The following IQCM variants were observed in gnomAD, a reference collection of about 807,000 sequenced individuals.
The protein encoded by IQCM is IQ domain-containing protein M.
A neutral mutation model predicts 57.6 loss-of-function variants in IQCM; 45 were observed. The ratio of observed to expected loss-of-function variants is 0.78; its 90% CI spans 0.62 to 1.00. IQCM has a LOEUF of 1.00. Among genes scored for constraint, IQCM ranks in the 50% least tolerant of loss-of-function variants. IQCM has a pLI of 0.00. For missense variants in IQCM, 468 were observed against 511.6 expected (o/e 0.91, Z 0.82); for synonymous variants, 148 against 158.9 (o/e 0.93, Z 0.51).
chr4:149,484,009 G>A (rs913052640), intron 12 of IQCM, among the ~76,000 whole-genome samples: 4 of 151,810 alleles, frequency 2.6e-5, no homozygotes, highest in African/African-American at 9.7e-5. Flanking sequence ...TAATTCCTTT[G>A]TCATAATGTA....
chr4:149,397,792 G>T (rs1732334486), intron 13 of IQCM, among the ~76,000 whole-genome samples: 1 of 151,702 alleles, frequency 6.6e-6, no homozygotes, highest in Non-Finnish European at 1.5e-5. Flanking sequence ...TTGCTATTGA[G>T]TTGTGGCAGT....
intron 7 of IQCM, among the ~76,000 whole-genome samples, chr4:149,664,490 G>A (rs990649226): frequency 2.0e-5 from 3 of 152,050 alleles, no homozygotes; most frequent in Admixed American, 1.3e-4. Context: ...GTGTCAGTTG[G>A]CTATGGTGCA....
chr4:149,779,011 A>G (rs1771359732), intron 2 of IQCM, among the ~76,000 whole-genome samples: 1 of 152,070 alleles, frequency 6.6e-6, no homozygotes, highest in Non-Finnish European at 1.5e-5. Context: ...GTAAAACCAG[A>G]CAGGGATAAT....
At chr4:149,732,540 T>C (rs1218265566) in intron 5 of IQCM, among the ~76,000 whole-genome samples, 1 of 152,180 alleles carries the variant, frequency 6.6e-6, no homozygotes, top group Non-Finnish European at 1.5e-5. Context: ...GCCTTTTAAT[T>C]GCTGTTTCTC....
At position 149,539,323 on chromosome 4, in the gene IQCM, T is replaced by C. The variant is rs151069695; in HGVS notation, c.1228+9132A>G. On this transcript the variant is annotated intron_variant, in intron 12 of 13. Transcript: ENST00000636793. ...TAGTAGACTACATATTGCATGATTC[T>C]ATTTATGAGAAATGACAAATCTATA... Among the ~76,000 whole-genome samples, 73 of 152,326 alleles carry C rather than the reference T, an allele frequency of 4.8e-4. 3 individuals carry two copies. Among genetic ancestry groups the C allele is most frequent in the Admixed American group, 4.3e-3 (65 of 15,292 alleles).
rs531336432 is a variant in IQCM at position 149,605,617 on chromosome 4, T to C, written c.681+15512A>G. 6.6e-5 allele frequency among the ~76,000 whole-genome samples: 10 copies of C among 152,330 alleles called. No individual in the cohort carries two copies. In the East Asian group the frequency reaches 1.9e-3, roughly 29 times the overall value. The stretch of plus-strand genomic sequence containing the variant: ...TAAGTAAAATAAAATAAATGATGGT[T>C]GTAAAAATACACTTTAGGCCCAGAT... On this transcript the variant is annotated intron_variant, in intron 8 of 13. Transcript: ENST00000636793.
chr4:149,739,857 A>G (rs1422659792), intron 3 of IQCM, among the ~76,000 whole-genome samples: 4 of 152,172 alleles, frequency 2.6e-5, no homozygotes, highest in African/African-American at 9.7e-5. Flanking sequence ...TTTTTCATAT[A>G]TCATCAGCTT....
chr4:149,808,740 G>A (rs186688820), intron 2 of IQCM, among the ~76,000 whole-genome samples: 152 of 152,178 alleles, frequency 1.0e-3, no homozygotes, highest in Non-Finnish European at 1.4e-3. Context: ...ACTTGGGAGA[G>A]GAATCTTGAT....
At chr4:149,708,044 C>T (rs1043340370) in intron 5 of IQCM, among the ~76,000 whole-genome samples, 1 of 151,984 alleles carries the variant, frequency 6.6e-6, no homozygotes, top group East Asian at 1.9e-4. Flanking sequence ...GCACTATCAT[C>T]AACAACCCAC....
chr4:149,713,994 A>C (rs1324732655), intron 5 of IQCM, among the ~76,000 whole-genome samples: 1 of 152,202 alleles, frequency 6.6e-6, no homozygotes, highest in Non-Finnish European at 1.5e-5. Flanking sequence ...TGTGTTCTTC[A>C]TAACTATTTG....
intron 2 of IQCM, among the ~76,000 whole-genome samples, chr4:149,804,522 A>T (rs1773899210): frequency 6.6e-6 from 1 of 152,024 alleles, no homozygotes; most frequent in Admixed American, 6.6e-5. Context: ...ATCTAAGAAG[A>T]GTTGTTGACT....
Position 149,682,177 on chromosome 4 carries a change from A to G in IQCM, c.506T>C (p.Phe169Ser). The change falls in exon 7 of 14, where the codon TTT (phenylalanine) becomes TCT (serine). Residue 169 changes from phenylalanine to serine, a missense_variant. Transcript: ENST00000636793. ...AGGTTGTAAGTAAAGATGGACAGGA[A>G]AGGGATAGAGTAATTCCAACATTCT... Reference protein sequence around the residue: ...RNRMLELLYPFPVHLYLQPGT... With the variant: ...RNRMLELLYPSPVHLYLQPGT... 1 of 1,225,332 alleles carries G rather than the reference A, an allele frequency of 8.2e-7. No individual in the cohort carries two copies. Among genetic ancestry groups the G allele is most frequent in the Non-Finnish European group, 1.0e-6 (1 of 982,270 alleles). 75.9% of individuals were successfully genotyped at this position (1,225,332 alleles called of 1,614,324 possible).
At chr4:149,441,232 C>A (rs1299400885) in intron 12 of IQCM, among the ~76,000 whole-genome samples, 2 of 152,102 alleles carry the variant, frequency 1.3e-5, no homozygotes, top group Non-Finnish European at 1.5e-5. Context: ...ATAAAAGAGA[C>A]TGTCTAGAGT....
chr4:149,699,488 G>C (rs1024453358), intron 5 of IQCM, among the ~76,000 whole-genome samples: 74 of 151,926 alleles, frequency 4.9e-4, no homozygotes, highest in African/African-American at 1.8e-3. Context: ...TCAAATCTGA[G>C]CCTTTGCTCA....
chr4:149,591,631 T>A (rs1753186650), intron 8 of IQCM, among the ~76,000 whole-genome samples: 2 of 152,046 alleles, frequency 1.3e-5, no homozygotes, highest in African/African-American at 4.8e-5. Context: ...GGCCCCGGTG[T>A]GTGATGTTCC....
chr4:149,689,779 G>A (rs1233998215), intron 5 of IQCM, among the ~76,000 whole-genome samples: 1 of 151,952 alleles, frequency 6.6e-6, no homozygotes, highest in African/African-American at 2.4e-5. Flanking sequence ...GACCTGAATA[G>A]ACAATTCTCA....
chr4:149,563,575 A>G, intron 10 of IQCM, 117 bp downstream of exon 10: 1 of 697,174 alleles, frequency 1.4e-6, no homozygotes, highest in Non-Finnish European at 2.0e-6. Flanking sequence ...AACAACAGCA[A>G]AACTCTATCT....
intron 2 of IQCM, among the ~76,000 whole-genome samples, chr4:149,757,252 G>A (rs1383609512): frequency 8.7e-5 from 13 of 150,126 alleles, no homozygotes; most frequent in East Asian, 5.9e-4. Context: ...AGCGAGACTC[G>A]TCTCAAAAAA....
intron 13 of IQCM, among the ~76,000 whole-genome samples, chr4:149,377,941 C>T (rs1004178470): frequency 2.0e-5 from 3 of 152,130 alleles, no homozygotes; most frequent in African/African-American, 7.2e-5. Flanking sequence ...TGAACTGTAG[C>T]TCCCATAATT....
Sources: gnomAD v4.1 joint callset for allele counts (sites outside exome capture counted in the v4.1 genomes callset) on GRCh38, gnomAD v4.1.1 for gene constraint, MANE v1.5 for transcripts, NCBI Gene and HGNC (gene_info 2026-07-23, HGNC 2026-07-21) for gene names.